The following NKAIN2 variants were observed in gnomAD, a reference collection of about 807,000 sequenced individuals.
NKAIN2 encodes sodium/potassium-transporting ATPase subunit beta-1-interacting protein 2.
In NKAIN2, 14 loss-of-function variants were observed where a neutral mutation model predicts 32.6. The ratio of observed to expected loss-of-function variants is 0.43; its 90% CI spans 0.28 to 0.67. The LOEUF (loss-of-function observed/expected upper bound fraction) is 0.67. Among genes scored for constraint, NKAIN2 ranks in the 30% least tolerant of loss-of-function variants. The pLI, the probability that NKAIN2 is intolerant of heterozygous loss-of-function variation, is 0.17. For missense variants in NKAIN2, 198 were observed against 258.3 expected (o/e 0.77, Z 1.60); for synonymous variants, 80 against 87.2 (o/e 0.92, Z 0.46).
At chr6:124,633,484 T>C (rs1176715206) in intron 3 of NKAIN2, among the ~76,000 whole-genome samples, 2 of 152,170 alleles carry the variant, frequency 1.3e-5, no homozygotes, top group Admixed American at 1.3e-4. Context: ...ATTATAGCCA[T>C]TCTTAATAAC....
At chr6:124,181,736 A>G (rs981877490) in intron 1 of NKAIN2, among the ~76,000 whole-genome samples, 3 of 152,092 alleles carry the variant, frequency 2.0e-5, no homozygotes, top group African/African-American at 7.2e-5. Context: ...TCCGGCTCCC[A>G]ACAGGTTTCT....
chr6:124,797,190 AAATC>A (rs1386266925), intron 5 of NKAIN2, among the ~76,000 whole-genome samples: 6 of 151,232 alleles, frequency 4.0e-5, no homozygotes, highest in African/African-American at 1.2e-4. Flanking sequence ...AAAAAAAAAA[AAATC>A]ATCATGACTT....
At chr6:124,419,000 A>G (rs577744113) in intron 3 of NKAIN2, among the ~76,000 whole-genome samples, 1 of 152,216 alleles carries the variant, frequency 6.6e-6, no homozygotes, top group East Asian at 1.9e-4. Flanking sequence ...TCTCTCTAAA[A>G]TGACTATCCA....
chr6:124,330,022 G>A (rs987427997), intron 2 of NKAIN2, among the ~76,000 whole-genome samples: 2 of 152,166 alleles, frequency 1.3e-5, no homozygotes, highest in African/African-American at 2.4e-5. Context: ...GTTACTGACT[G>A]GCTGTTGGTC....
intron 4 of NKAIN2, among the ~76,000 whole-genome samples, chr6:124,709,363 T>G (rs1312440091): frequency 2.7e-5 from 4 of 150,892 alleles, no homozygotes; most frequent in Non-Finnish European, 5.9e-5. Context: ...TAAAATGAGT[T>G]AGGGAGGATT....
chr6:124,513,722 A>G (rs974688717), intron 3 of NKAIN2, among the ~76,000 whole-genome samples: 1 of 152,146 alleles, frequency 6.6e-6, no homozygotes, highest in African/African-American at 2.4e-5. Flanking sequence ...CCAAAAGTCT[A>G]TTTGAGAGGC....
chr6:124,040,984 A>C (rs191748287), intron 1 of NKAIN2, among the ~76,000 whole-genome samples: 159 of 152,158 alleles, frequency 1.0e-3, no homozygotes, highest in African/African-American at 3.5e-3. Context: ...ATGTTGTACA[A>C]CTATTGAAGG....
At chr6:124,316,587 G>T (rs187269263) in intron 2 of NKAIN2, among the ~76,000 whole-genome samples, 4 of 152,200 alleles carry the variant, frequency 2.6e-5, no homozygotes, top group Admixed American at 2.6e-4. Context: ...AAAAATAAAT[G>T]AAAGTTGAAA....
intron 1 of NKAIN2, among the ~76,000 whole-genome samples, chr6:124,013,972 G>A (rs1178428771): frequency 2.0e-5 from 3 of 152,100 alleles, no homozygotes; most frequent in Admixed American, 2.0e-4. Flanking sequence ...TTAGTCTAGG[G>A]GTGATTACTG....
intron 3 of NKAIN2, among the ~76,000 whole-genome samples, chr6:124,384,376 G>A (rs1364253049): frequency 6.6e-6 from 1 of 152,098 alleles, no homozygotes; most frequent in Non-Finnish European, 1.5e-5. Context: ...CAGGATCAAA[G>A]ACAGATTGAA....
At chr6:124,773,430 G>T (rs565934823) in intron 4 of NKAIN2, among the ~76,000 whole-genome samples, 1 of 152,240 alleles carries the variant, frequency 6.6e-6, no homozygotes, top group Non-Finnish European at 1.5e-5. Flanking sequence ...TTGAAGAAAA[G>T]AAACAGAAGG....
chr6:124,164,869 A>C (rs1167338718), intron 1 of NKAIN2, among the ~76,000 whole-genome samples: 1 of 152,102 alleles, frequency 6.6e-6, no homozygotes, highest in Non-Finnish European at 1.5e-5. Context: ...TATGTGCTTC[A>C]CAATATGCTT....
chr6:123,854,261 G>C (rs1775471692), intron 1 of NKAIN2, among the ~76,000 whole-genome samples: 1 of 152,232 alleles, frequency 6.6e-6, no homozygotes, highest in South Asian at 2.1e-4. Context: ...TACTGATTCT[G>C]TCAGTGCCTC....
At chr6:124,135,312 C>T (rs577069341) in intron 1 of NKAIN2, among the ~76,000 whole-genome samples, 2 of 151,802 alleles carry the variant, frequency 1.3e-5, no homozygotes, top group South Asian at 4.2e-4. Context: ...CTAAATGCTC[C>T]ACTTAAAAGA....
At chr6:124,220,325 T>C (rs1791747615) in intron 1 of NKAIN2, among the ~76,000 whole-genome samples, 1 of 152,144 alleles carries the variant, frequency 6.6e-6, no homozygotes, top group Admixed American at 6.5e-5. Context: ...TCCCCAGCCA[T>C]GCCAAACTGT....
At chr6:124,540,314 A>G (rs957308483) in intron 3 of NKAIN2, among the ~76,000 whole-genome samples, 3 of 152,234 alleles carry the variant, frequency 2.0e-5, no homozygotes, top group African/African-American at 4.8e-5. Context: ...AAAAAATTCA[A>G]ATTAAGAAAT....
chr6:124,218,889 A>G (rs1791632012), intron 1 of NKAIN2, among the ~76,000 whole-genome samples: 1 of 152,218 alleles, frequency 6.6e-6, no homozygotes, highest in African/African-American at 2.4e-5. Flanking sequence ...TGAAGGAAAG[A>G]GGTTTAATTG....
intron 4 of NKAIN2, among the ~76,000 whole-genome samples, chr6:124,758,613 T>G (rs534686708): frequency 1.0e-3 from 154 of 152,300 alleles, no homozygotes; most frequent in Middle Eastern, 3.4e-3. Context: ...AGTTCCCACC[T>G]GACCCCAGTT....
intron 2 of NKAIN2, among the ~76,000 whole-genome samples, chr6:124,325,460 C>G (rs894618727): frequency 1.3e-5 from 2 of 152,062 alleles, no homozygotes; most frequent in Non-Finnish European, 2.9e-5. Flanking sequence ...CAAAAGCAGA[C>G]TTACAACTCA....
Sources: allele counts gnomAD v4.1 joint callset (sites outside exome capture counted in the v4.1 genomes callset), GRCh38; gene constraint gnomAD v4.1.1; transcripts MANE v1.5; gene names NCBI Gene and HGNC (gene_info 2026-07-23, HGNC 2026-07-21).